The following DACH1 variants were observed in gnomAD, a reference collection of about 807,000 sequenced individuals.
The protein encoded by DACH1 is dachshund homolog 1.
A neutral mutation model predicts 54.2 loss-of-function variants in DACH1; 12 were observed. That is an observed-to-expected ratio of 0.22 (90% CI 0.14 to 0.36). The LOEUF (loss-of-function observed/expected upper bound fraction) is 0.36. DACH1 is among the 10% of genes least tolerant of loss of function. The pLI is 1.00. For missense variants in DACH1, 805 were observed against 929.8 expected (o/e 0.87, Z 1.75); for synonymous variants, 386 against 366.2 (o/e 1.05, Z -0.62).
At chr13:71,488,469 T>C (rs1207607189) in intron 7 of DACH1, among the ~76,000 whole-genome samples, 1 of 152,186 alleles carries the variant, frequency 6.6e-6, no homozygotes, top group Non-Finnish European at 1.5e-5. Context: ...GTGGAAAGTT[T>C]GGTAAGGCTT....
intron 1 of DACH1, among the ~76,000 whole-genome samples, chr13:71,725,464 A>G (rs919075388): frequency 6.6e-6 from 1 of 152,092 alleles, no homozygotes; most frequent in Non-Finnish European, 1.5e-5. Context: ...AAAATGCCCT[A>G]GGGAAGGAGT....
chr13:71,519,895 A>ATATATATATATATATATATT (rs1881454354), intron 6 of DACH1, among the ~76,000 whole-genome samples: 1 of 130,618 alleles, frequency 7.7e-6, no homozygotes, highest in Non-Finnish European at 1.7e-5. Context: ...ATATATATAT[A>ATATATATATATATATATATT]TATATATATA....
chr13:71,710,132 G>A (rs982206740), intron 1 of DACH1, among the ~76,000 whole-genome samples: 1 of 151,970 alleles, frequency 6.6e-6, no homozygotes, highest in Non-Finnish European at 1.5e-5. Flanking sequence ...TCTACTTATT[G>A]GGAACAGAGA....
Position 71,782,694 on chromosome 13 carries a change from G to A in DACH1, c.848+83228C>T, listed in dbSNP as rs554685803. On this transcript the variant is annotated intron_variant, in intron 1 of 10. Transcript: ENST00000613252. The stretch of plus-strand genomic sequence containing the variant: ...GCTTTTTCCCATAGTGCGTACTCTG[G>A]CAGGCACTAAACCAGAGTTTTTACC... Among the ~76,000 whole-genome samples, 18 of 152,030 alleles carry A rather than the reference G, an allele frequency of 1.2e-4. No individual in the cohort carries two copies. In the East Asian group the frequency reaches 3.3e-3, roughly 28 times the overall value.
At chr13:71,669,885 G>A (rs1030953266) in intron 2 of DACH1, among the ~76,000 whole-genome samples, 14 of 152,310 alleles carry the variant, frequency 9.2e-5, no homozygotes, top group African/African-American at 2.9e-4. Context: ...AGCAAGCGAT[G>A]AGGAAGAGAA....
At chr13:71,677,077 A>G (rs1880616422) in intron 2 of DACH1, among the ~76,000 whole-genome samples, 1 of 152,242 alleles carries the variant, frequency 6.6e-6, no homozygotes, top group Non-Finnish European at 1.5e-5. Context: ...AGATGAAATC[A>G]GAAAGTTGGC....
intron 2 of DACH1, among the ~76,000 whole-genome samples, chr13:71,670,678 T>A (rs1880153879): frequency 6.6e-6 from 1 of 152,052 alleles, no homozygotes; most frequent in African/African-American, 2.4e-5. Context: ...TATTTTTAAA[T>A]CCAATGGAGT....
At chr13:71,692,879 G>A (rs995868656) in intron 1 of DACH1, among the ~76,000 whole-genome samples, 6 of 152,080 alleles carry the variant, frequency 3.9e-5, no homozygotes, top group African/African-American at 1.4e-4. Context: ...AATTTAAATA[G>A]AACACAATTT....
At chr13:71,861,230 C>T (rs555541776) in intron 1 of DACH1, among the ~76,000 whole-genome samples, 100 of 151,970 alleles carry the variant, frequency 6.6e-4, no homozygotes, top group African/African-American at 2.3e-3. Flanking sequence ...AAAAGCCTGT[C>T]GTGTAGTTTA....
At chr13:71,536,680 T>G (rs1481361363) in intron 6 of DACH1, among the ~76,000 whole-genome samples, 1 of 152,140 alleles carries the variant, frequency 6.6e-6, no homozygotes, top group East Asian at 1.9e-4. Flanking sequence ...GTTTATTCTG[T>G]GTGGGGCACT....
intron 1 of DACH1, among the ~76,000 whole-genome samples, chr13:71,845,058 T>C (rs1873134208): frequency 6.6e-6 from 1 of 152,120 alleles, no homozygotes; most frequent in Non-Finnish European, 1.5e-5. Flanking sequence ...CACTGTAGGG[T>C]ACCTATAGTT....
chr13:71,775,127 CTTTTTTTTTTTT>C (rs767902341), intron 1 of DACH1, among the ~76,000 whole-genome samples: 868 of 54,018 alleles, frequency 0.016, 14 homozygotes, highest in Non-Finnish European at 0.023. Context: ...TCAACACAAG[CTTTTTTTTTTTT>C]TTTTTTTTTT....
chr13:71,807,587 ATTAAG>A (rs1303147353), intron 1 of DACH1, among the ~76,000 whole-genome samples: 1 of 152,168 alleles, frequency 6.6e-6, no homozygotes, highest in African/African-American at 2.4e-5. Context: ...CAAAAAACAA[ATTAAG>A]TTTTTATTTT....
At chr13:71,507,979 G>T (rs935977827) in intron 6 of DACH1, among the ~76,000 whole-genome samples, 4 of 151,778 alleles carry the variant, frequency 2.6e-5, no homozygotes, top group East Asian at 1.9e-4. Context: ...TTCTCTGTTG[G>T]GCAAAGAAAA....
intron 1 of DACH1, among the ~76,000 whole-genome samples, chr13:71,710,352 G>A (rs1882648745): frequency 6.6e-6 from 1 of 151,908 alleles, no homozygotes; most frequent in African/African-American, 2.4e-5. Context: ...ACGCAAATTG[G>A]ACCATTGAGA....
At chr13:71,535,447 T>G (rs755709252) in intron 6 of DACH1, among the ~76,000 whole-genome samples, 26 of 151,990 alleles carry the variant, frequency 1.7e-4, no homozygotes, top group Admixed American at 7.2e-4. Flanking sequence ...TGATTGTGAT[T>G]ATCACAAATT....
chr13:71,755,885 T>A (rs1885125401), intron 1 of DACH1, among the ~76,000 whole-genome samples: 2 of 152,084 alleles, frequency 1.3e-5, no homozygotes, highest in Admixed American at 6.5e-5. Context: ...TATACCAAAA[T>A]AATAGAGAAT....
At chr13:71,589,718 T>C (rs1008757251) in intron 3 of DACH1, among the ~76,000 whole-genome samples, 11 of 151,932 alleles carry the variant, frequency 7.2e-5, no homozygotes, top group Non-Finnish European at 1.6e-4. Context: ...AATCTAGAAA[T>C]TTCATCATAT....
At chr13:71,771,325 A>G (rs1448280943) in intron 1 of DACH1, among the ~76,000 whole-genome samples, 2 of 115,582 alleles carry the variant, frequency 1.7e-5, no homozygotes, top group Non-Finnish European at 1.7e-5. Context: ...GGATAAATAA[A>G]TAAATAAATA....
Sources: allele counts gnomAD v4.1 joint callset (sites outside exome capture counted in the v4.1 genomes callset), GRCh38; gene constraint gnomAD v4.1.1; transcripts MANE v1.5; gene names NCBI Gene and HGNC (gene_info 2026-07-23, HGNC 2026-07-21).